The following DOCK2 variants were observed in gnomAD, a reference collection of about 807,000 sequenced individuals.
The protein encoded by DOCK2 is dedicator of cytokinesis 2.
DOCK2 carries 87 observed loss-of-function variants against 248.9 expected under a neutral mutation model. The observed-to-expected ratio is 0.35, with a 90% CI of 0.29 to 0.42. DOCK2 has a LOEUF of 0.42. DOCK2 is among the 10% of genes least tolerant of loss of function. The probability of loss-of-function intolerance (pLI) is 1.00; values close to 1 mark genes in which losing one functional copy is unlikely to be tolerated. For missense variants in DOCK2, 1,747 were observed against 2,300.2 expected (o/e 0.76, Z 4.92); for synonymous variants, 805 against 821.6 (o/e 0.98, Z 0.35).
At chr5:169,777,386 C>T (rs1188368672) in intron 25 of DOCK2, among the ~76,000 whole-genome samples, 2 of 152,280 alleles carry the variant, frequency 1.3e-5, no homozygotes, top group East Asian at 1.9e-4. Flanking sequence ...CACTGAGAGC[C>T]CTCATTAGTC....
intron 38 of DOCK2, among the ~76,000 whole-genome samples, chr5:170,043,914 T>C: frequency 6.6e-6 from 1 of 152,228 alleles, no homozygotes; most frequent in African/African-American, 2.4e-5. Flanking sequence ...AAAACAGACA[T>C]GCCAATAATA....
At chr5:170,038,664 C>T (rs909290941) in intron 36 of DOCK2, among the ~76,000 whole-genome samples, 11 of 152,148 alleles carry the variant, frequency 7.2e-5, no homozygotes, top group African/African-American at 2.7e-4. Context: ...CCGTCCACCT[C>T]GCTCAAGCAC....
At chr5:169,842,914 C>A (rs370246104) in intron 27 of DOCK2, among the ~76,000 whole-genome samples, 27 of 152,234 alleles carry the variant, frequency 1.8e-4, no homozygotes, top group African/African-American at 6.0e-4. Context: ...TAACACACAT[C>A]CCTCACTGTT....
At chr5:169,780,458 CT>C (rs1292816336) in intron 25 of DOCK2, among the ~76,000 whole-genome samples, 1 of 152,136 alleles carries the variant, frequency 6.6e-6, no homozygotes, top group Non-Finnish European at 1.5e-5. Context: ...GTGCTGGCAG[CT>C]TCTGGGCAGG....
chr5:169,884,794 A>G (rs2113516055), intron 27 of DOCK2: 1 of 152,450 alleles, frequency 6.6e-6, no homozygotes, highest in Admixed American at 6.5e-5. Context: ...GGGGTCTGAT[A>G]TCTGCAAGCA....
At chr5:169,826,249 C>A (rs976537504) in intron 26 of DOCK2, among the ~76,000 whole-genome samples, 1 of 152,132 alleles carries the variant, frequency 6.6e-6, no homozygotes, top group Non-Finnish European at 1.5e-5. Flanking sequence ...TCAAAAAGAA[C>A]AAGCAACTTT....
intron 26 of DOCK2, among the ~76,000 whole-genome samples, chr5:169,825,304 T>C (rs1267827547): frequency 1.3e-5 from 2 of 152,144 alleles, no homozygotes; most frequent in African/African-American, 4.8e-5. Context: ...CATGCTGCTA[T>C]AAAGACACAT....
intron 25 of DOCK2, among the ~76,000 whole-genome samples, chr5:169,789,086 T>C (rs1766166394): frequency 6.6e-6 from 1 of 152,180 alleles, no homozygotes; most frequent in Admixed American, 6.5e-5. Context: ...AGTGAGAACA[T>C]GTAGTATCTG....
intron 17 of DOCK2, among the ~76,000 whole-genome samples, chr5:169,713,765 C>T (rs892284376): frequency 2.0e-5 from 3 of 152,062 alleles, no homozygotes; most frequent in South Asian, 2.1e-4. Flanking sequence ...TTTTCAATTC[C>T]GTTTTTATTT....
intron 24 of DOCK2, among the ~76,000 whole-genome samples, chr5:169,760,430 T>G (rs1280280959): frequency 6.6e-6 from 1 of 152,208 alleles, no homozygotes; most frequent in Non-Finnish European, 1.5e-5. Context: ...TTTAAATAAC[T>G]ATGGCACATT....
intron 13 of DOCK2, 31 bp downstream of exon 13, chr5:169,700,170 G>A: frequency 6.2e-7 from 1 of 1,604,246 alleles, no homozygotes; most frequent in Non-Finnish European, 8.5e-7. Context: ...CCTTCCCCTG[G>A]GGACATAGGG....
intron 25 of DOCK2, among the ~76,000 whole-genome samples, chr5:169,791,847 C>T (rs1432546359): frequency 6.6e-6 from 1 of 152,184 alleles, no homozygotes; most frequent in Non-Finnish European, 1.5e-5. Context: ...GTTCAATGTA[C>T]ATTGCATATC....
At chr5:169,739,772 T>C (rs1030540911) in intron 22 of DOCK2, among the ~76,000 whole-genome samples, 5 of 152,196 alleles carry the variant, frequency 3.3e-5, no homozygotes, top group African/African-American at 9.7e-5. Flanking sequence ...CAACTTCTTC[T>C]TGGCACCCAG....
chr5:169,914,681 C>T (rs114278458), intron 27 of DOCK2, among the ~76,000 whole-genome samples: 2,254 of 152,246 alleles, frequency 0.015, 53 homozygotes, highest in African/African-American at 0.051. Flanking sequence ...GTAACCTGGG[C>T]CCACATCCCC....
chr5:169,848,264 G>A (rs1770432743), intron 27 of DOCK2, among the ~76,000 whole-genome samples: 1 of 152,172 alleles, frequency 6.6e-6, no homozygotes, highest in African/African-American at 2.4e-5. Context: ...TGTTGTTTGG[G>A]GGAACAGATT....
intron 27 of DOCK2, among the ~76,000 whole-genome samples, chr5:169,903,333 A>G (rs1014016079): frequency 2.6e-5 from 4 of 151,480 alleles, no homozygotes; most frequent in Non-Finnish European, 5.9e-5. Context: ...AAAAAAAGGA[A>G]AAGGAAAAAG....
rs261623 is a variant in DOCK2 at position 169,840,780 on chromosome 5, G to A, written c.2727G>A (p.Gln909=). Residue 909 remains glutamine (Q), a synonymous_variant, in exon 27 of 52, where the codon CAG becomes CAA. Coordinates refer to ENST00000520908, the MANE Select transcript of DOCK2 (RefSeq NM_004946.3). ...QDAAFTYHHI[Q]EIMVQLLRTV... The stretch of plus-strand genomic sequence containing the variant: ...AGGCCTTCACCTACCACCATATCCA[G>A]GAGATCATGGTCCAGCTGCTGCGGA... 654,930 of 1,613,278 alleles carry A rather than the reference G, an allele frequency of 0.41. 136,759 individuals carry two copies. Among genetic ancestry groups the A allele is most frequent in the African/African-American group, 0.61 (45,485 of 74,852 alleles).
At chr5:169,802,258 T>C (rs1206687571) in intron 25 of DOCK2, among the ~76,000 whole-genome samples, 1 of 152,138 alleles carries the variant, frequency 6.6e-6, no homozygotes, top group African/African-American at 2.4e-5. Flanking sequence ...ATTTCCTGGG[T>C]TCAAGTGATT....
At chr5:169,970,309 C>A (rs1307803115) in intron 27 of DOCK2, among the ~76,000 whole-genome samples, 1 of 152,198 alleles carries the variant, frequency 6.6e-6, no homozygotes, top group Non-Finnish European at 1.5e-5. Flanking sequence ...TGCCCCAAAC[C>A]TGGATACCTA....
Sources: allele counts gnomAD v4.1 joint callset (sites outside exome capture counted in the v4.1 genomes callset), GRCh38; gene constraint gnomAD v4.1.1; transcripts MANE v1.5; gene names NCBI Gene and HGNC (gene_info 2026-07-23, HGNC 2026-07-21).